NBEA: variants seen among roughly 807,000 people sequenced by gnomAD.
The protein encoded by NBEA is lysosomal-trafficking regulator 2.
NBEA carries 44 observed loss-of-function variants against 343.4 expected under a neutral mutation model. The observed-to-expected ratio is 0.13, with a 90% CI of 0.10 to 0.16. The LOEUF is 0.16. NBEA is among the 10% of genes least tolerant of loss of function. NBEA has a pLI of 1.00. For missense variants in NBEA, 2,555 were observed against 3,631.3 expected (o/e 0.70, Z 7.62); for synonymous variants, 1,175 against 1,238.7 (o/e 0.95, Z 1.08).
intron 38 of NBEA, among the ~76,000 whole-genome samples, chr13:35,430,667 A>G (rs988306700): frequency 6.6e-6 from 1 of 152,148 alleles, no homozygotes; most frequent in Admixed American, 6.5e-5. Flanking sequence ...GAGTATGTCT[A>G]TGGTTAGAAA....
intron 31 of NBEA, among the ~76,000 whole-genome samples, chr13:35,200,378 G>GTA (rs143323725): frequency 8.1e-4 from 118 of 145,224 alleles, no homozygotes; most frequent in African/African-American, 1.9e-3. Flanking sequence ...TGAGTGTTTG[G>GTA]TATATATATA....
chr13:35,612,126 C>T (rs1396682099), intron 48 of NBEA, among the ~76,000 whole-genome samples: 1 of 151,274 alleles, frequency 6.6e-6, no homozygotes, highest in Non-Finnish European at 1.5e-5. Context: ...TATCTCATTA[C>T]AATATTTTTT....
chr13:35,116,767 A>G (rs1299318821), intron 13 of NBEA, among the ~76,000 whole-genome samples: 1 of 152,028 alleles, frequency 6.6e-6, no homozygotes, highest in Non-Finnish European at 1.5e-5. Context: ...TATGCATATT[A>G]GAATATATTA....
At chr13:35,247,401 C>T (rs763936364) in intron 34 of NBEA, among the ~76,000 whole-genome samples, 4 of 152,156 alleles carry the variant, frequency 2.6e-5, no homozygotes, top group Admixed American at 2.0e-4. Flanking sequence ...CCAAAGACCC[C>T]AGTGAGACAC....
In NBEA at chr13:35,584,028, T is replaced by A. The variant is rs767455064; in HGVS notation, c.7166T>A (p.Leu2389His). The change falls in exon 46 of 59, where the codon CTT becomes CAT. Residue 2389 changes from leucine (L) to histidine (H), a missense_variant. Physicochemically the swap from Leu to His is moderately conservative, Grantham distance 99. Transcript: ENST00000379939. Reference protein sequence around the residue: ...YSTATSTLSWLVRIEPFTTFF... With the variant: ...YSTATSTLSWHVRIEPFTTFF... ...ACAGCAACATCTACTTTATCCTGGC[T>A]TGTTCGAATTGTGAGTATCTTCATT... The A allele has an allele frequency of 6.2e-7, 1 of 1,613,424 alleles. No individual in the cohort carries two copies.
At chr13:35,484,108 A>G (rs2076218743) in intron 41 of NBEA, among the ~76,000 whole-genome samples, 1 of 152,054 alleles carries the variant, frequency 6.6e-6, no homozygotes, top group Admixed American at 6.6e-5. Context: ...TTCCAACAGC[A>G]TGTATTCAGT....
chr13:35,088,665 A>T (rs554215642), intron 10 of NBEA, among the ~76,000 whole-genome samples: 51 of 151,910 alleles, frequency 3.4e-4, no homozygotes, highest in African/African-American at 5.3e-4. Context: ...AACTTTTTTT[A>T]AAAAAAATCT....
intron 43 of NBEA, among the ~76,000 whole-genome samples, chr13:35,554,035 G>A (rs992024812): frequency 7.9e-5 from 12 of 152,290 alleles, no homozygotes; most frequent in African/African-American, 2.9e-4. Context: ...GGTTTCAGAA[G>A]CTGTGCAGTT....
At chr13:35,202,179 C>G (rs145574464) in intron 31 of NBEA, among the ~76,000 whole-genome samples, 1 of 152,174 alleles carries the variant, frequency 6.6e-6, no homozygotes, top group East Asian at 1.9e-4. Flanking sequence ...TTCTATTGAT[C>G]CTTTTCATTT....
At chr13:35,528,383 G>C (rs1184327768) in intron 41 of NBEA, among the ~76,000 whole-genome samples, 1 of 152,112 alleles carries the variant, frequency 6.6e-6, no homozygotes, top group Non-Finnish European at 1.5e-5. Context: ...TGAAAATATT[G>C]ATTTTTAATT....
chr13:35,626,166 A>G (rs2083220530), intron 48 of NBEA, among the ~76,000 whole-genome samples: 1 of 152,242 alleles, frequency 6.6e-6, no homozygotes, highest in South Asian at 2.1e-4. Context: ...TGAAATTTTT[A>G]ACCCTATATA....
intron 49 of NBEA, among the ~76,000 whole-genome samples, chr13:35,638,295 A>T (rs577785828): frequency 1.8e-4 from 28 of 152,292 alleles, no homozygotes; most frequent in Admixed American, 1.3e-4. Context: ...TTTTTAAAGG[A>T]TAATGAAGAG....
At chr13:35,312,997 T>C (rs746974434) in intron 36 of NBEA, among the ~76,000 whole-genome samples, 4 of 152,164 alleles carry the variant, frequency 2.6e-5, no homozygotes, top group Non-Finnish European at 5.9e-5. Flanking sequence ...TTTAGACTTA[T>C]GAGTCTCCAG....
At chr13:35,238,443 A>C (rs534898075) in intron 34 of NBEA, among the ~76,000 whole-genome samples, 1 of 152,336 alleles carries the variant, frequency 6.6e-6, no homozygotes, top group South Asian at 2.1e-4. Context: ...CTTTCCTCCC[A>C]GACCAACTTC....
At position 35,290,296 on chromosome 13, in the gene NBEA, T is replaced by G. The variant is rs2035721259; in HGVS notation, c.5777-93T>G. On this transcript the variant is annotated intron_variant, in intron 34 of 58. Coordinates refer to ENST00000379939, the MANE Select transcript of NBEA (RefSeq NM_001385012.1). ...TAGGAATTCTATTTAAAAGAAAGTTTTTTTTATAAATTAAAATTATATAAT... is the reference window on the plus strand; with the variant it reads ...TAGGAATTCTATTTAAAAGAAAGTTGTTTTTATAAATTAAAATTATATAAT... The G allele has an allele frequency of 3.7e-6, 3 of 806,170 alleles. No individual in the cohort carries two copies. In the East Asian group the frequency reaches 8.6e-5, roughly 23 times the overall value. 49.9% of individuals were successfully genotyped at this position (806,170 alleles called of 1,614,324 possible). A position where few individuals can be genotyped will look rare whatever the true frequency, so the allele number is the denominator to read the frequency against.
At chr13:35,553,300 T>C (rs985225056) in intron 43 of NBEA, among the ~76,000 whole-genome samples, 1 of 152,148 alleles carries the variant, frequency 6.6e-6, no homozygotes, top group Non-Finnish European at 1.5e-5. Context: ...TTGTTGTCCT[T>C]GGCTTATTTT....
chr13:35,208,668 T>G (rs2073563763), intron 31 of NBEA, 32 bp from the exon 32 acceptor site: 51 of 1,516,772 alleles, frequency 3.4e-5, no homozygotes, highest in Non-Finnish European at 4.0e-5. Flanking sequence ...CAACCTCATG[T>G]TTGTTATTTT....
intron 38 of NBEA, among the ~76,000 whole-genome samples, chr13:35,420,413 T>C (rs964638218): frequency 6.6e-6 from 1 of 152,050 alleles, no homozygotes; most frequent in Non-Finnish European, 1.5e-5. Flanking sequence ...GTTAATGTAA[T>C]GCACTACATT....
At chr13:35,087,084 A>C (rs898744060) in intron 10 of NBEA, among the ~76,000 whole-genome samples, 3 of 151,612 alleles carry the variant, frequency 2.0e-5, no homozygotes, top group African/African-American at 7.3e-5. Flanking sequence ...TATTTTCTCC[A>C]GTTCAAACAC....
Sources: allele counts gnomAD v4.1 joint callset (sites outside exome capture counted in the v4.1 genomes callset), GRCh38; gene constraint gnomAD v4.1.1; transcripts MANE v1.5; gene names NCBI Gene and HGNC (gene_info 2026-07-23, HGNC 2026-07-21).